The following KCNK9 variants were observed in gnomAD, a reference collection of about 807,000 sequenced individuals.
KCNK9 encodes the protein potassium channel subfamily K member 9.
A neutral mutation model predicts 10.8 loss-of-function variants in KCNK9; 1 was observed. The ratio of observed to expected loss-of-function variants is 0.09; its 90% confidence interval spans 0.03 to 0.44. KCNK9 has a LOEUF of 0.44. Among genes scored for constraint, KCNK9 ranks in the 20% least tolerant of loss-of-function variants. KCNK9 has a pLI of 0.97. For synonymous variants in KCNK9, 231 were observed against 222.7 expected (o/e 1.04, Z -0.33); for missense variants, 303 against 515.0 (o/e 0.59, Z 3.98).
chr8:139,658,751 AC>A (rs1194288270), intron 1 of KCNK9, among the ~76,000 whole-genome samples: 4 of 152,216 alleles, frequency 2.6e-5, no homozygotes, highest in African/African-American at 4.8e-5. Context: ...GGACTTCCCC[AC>A]GGTCACACTG....
chr8:139,703,010 C>T lies in KCNK9; in HGVS notation c.-18G>A. 1 of 1,549,718 alleles carries T rather than the reference C, an allele frequency of 6.5e-7. No individual in the cohort carries two copies. The highest frequency in any genetic ancestry group is 2.0e-4 in the Middle Eastern group (1 of 5,070). ...CTCTTCATGGCCGCCAGCAAGGAGC[C>T]GGCGCGGGGGGCATGTCCCGCAGGC... is the stretch of plus-strand genomic sequence containing the variant. On this transcript the variant is annotated 5_prime_UTR_variant, in exon 1 of 2. Coordinates refer to ENST00000520439, the MANE Select transcript of KCNK9 (RefSeq NM_001282534.2). This position sits in a 1 kb window ranked among gnomAD's most constrained non-coding sequence, Gnocchi z 6.4.
chr8:139,656,655 G>A (rs1160284058), intron 1 of KCNK9, among the ~76,000 whole-genome samples: 1 of 152,208 alleles, frequency 6.6e-6, no homozygotes, highest in Non-Finnish European at 1.5e-5. Context: ...TTTTGGAGGA[G>A]CTCAACCCCA....
chr8:139,674,598 C>A (rs7828107), intron 1 of KCNK9, among the ~76,000 whole-genome samples: 60,545 of 152,068 alleles, frequency 0.4, 13,330 homozygotes, highest in Non-Finnish European at 0.5. Flanking sequence ...GCCGGGACTC[C>A]AACCCAAGAC....
At chr8:139,645,049 G>A (rs1984568) in intron 1 of KCNK9, among the ~76,000 whole-genome samples, 56,295 of 152,122 alleles carry the variant, frequency 0.37, 13,032 homozygotes, top group South Asian at 0.56. Context: ...CACGCACGGG[G>A]TGGCTTCCCT....
chr8:139,664,161 G>A (rs1448234168), intron 1 of KCNK9, among the ~76,000 whole-genome samples: 2 of 152,254 alleles, frequency 1.3e-5, no homozygotes, highest in Non-Finnish European at 2.9e-5. Flanking sequence ...AACCAGGGCT[G>A]TGATGTCTGA....
chr8:139,658,398 T>C (rs1260361749), intron 1 of KCNK9, among the ~76,000 whole-genome samples: 4 of 152,126 alleles, frequency 2.6e-5, no homozygotes, highest in Non-Finnish European at 5.9e-5. Flanking sequence ...CCCCAGCTCT[T>C]TCCTCCAGAA....
At chr8:139,627,711 A>G (rs1406769104) in intron 1 of KCNK9, among the ~76,000 whole-genome samples, 1 of 152,268 alleles carries the variant, frequency 6.6e-6, no homozygotes, top group South Asian at 2.1e-4. Context: ...TATACATCCT[A>G]ATACCCTAGC....
At chr8:139,621,704 C>A (rs1011394151) in intron 1 of KCNK9, among the ~76,000 whole-genome samples, 1 of 152,094 alleles carries the variant, frequency 6.6e-6, no homozygotes, top group African/African-American at 2.4e-5. Flanking sequence ...AGAAGGACAC[C>A]ATATGGAAAC....
chr8:139,694,510 C>G (rs1033527707), intron 1 of KCNK9, among the ~76,000 whole-genome samples: 5 of 152,212 alleles, frequency 3.3e-5, no homozygotes, highest in Non-Finnish European at 7.4e-5. Flanking sequence ...GGTCTGCCTG[C>G]TTCCCAGCTG....
In KCNK9 at chr8:139,620,501, A is replaced by C. The variant is rs1334314895; in HGVS notation, c.284-1402T>G. ...ACACAGTAGGGACCTACCAGACCCC[A>C]GGATCCTCTGCCGCTCCTTCCTGCA... On this transcript the variant is annotated intron_variant, in intron 1 of 1. Coordinates refer to ENST00000520439, the MANE Select transcript of KCNK9 (RefSeq NM_001282534.2). Among the ~76,000 whole-genome samples, 3 of 152,034 alleles carry C rather than the reference A, an allele frequency of 2.0e-5. No homozygotes were observed. The East Asian group carries it at 5.8e-4, about 29-fold the overall frequency.
intron 1 of KCNK9, among the ~76,000 whole-genome samples, chr8:139,642,853 G>C (rs973628484): frequency 6.6e-6 from 1 of 152,188 alleles, no homozygotes; most frequent in African/African-American, 2.4e-5. Flanking sequence ...CTGAGCAGCA[G>C]GGGGTGTTTT....
Position 139,603,139 on chromosome 8 carries a change from T to C in KCNK9, c.*1-1538A>G, listed in dbSNP as rs183205295. On this transcript the variant is annotated intron_variant, in intron 2 of 2. Coordinates refer to the KCNK9 transcript ENST00000650269. ...GAACAAACCAAGATATGCAGAAAAG[T>C]ATTTTAAGTGACCATTATTTCCATT... 1.0e-3 allele frequency among the ~76,000 whole-genome samples: 152 copies of C among 152,312 alleles called. 1 individual carries two copies. The highest frequency in any genetic ancestry group is 3.5e-3 in the African/African-American group (145 of 41,572).
intron 1 of KCNK9, among the ~76,000 whole-genome samples, chr8:139,698,223 G>C (rs1817113233): frequency 6.6e-6 from 1 of 152,190 alleles, no homozygotes; most frequent in African/African-American, 2.4e-5. Flanking sequence ...CATCTGTAAA[G>C]TGGGGGAGGT....
intron 1 of KCNK9, among the ~76,000 whole-genome samples, chr8:139,631,071 G>C (rs1292855703): frequency 6.6e-6 from 1 of 152,246 alleles, no homozygotes; most frequent in Non-Finnish European, 1.5e-5. Flanking sequence ...TCGGGCGACT[G>C]CAGGGACACG....
chr8:139,648,456 GCAA>G (rs1815756692), intron 1 of KCNK9, among the ~76,000 whole-genome samples: 1 of 152,224 alleles, frequency 6.6e-6, no homozygotes, highest in Non-Finnish European at 1.5e-5. Context: ...GGAGACTATT[GCAA>G]CAACCCATGC....
chr8:139,619,198 G>A (rs537903331), intron 1 of KCNK9, 99 bp from the exon 2 acceptor site: 1 of 1,314,916 alleles, frequency 7.6e-7, no homozygotes, highest in African/African-American at 1.4e-5. Context: ...GTGCAATGCA[G>A]AGGGACCTGG....
At chr8:139,616,888 A>ATATTC (rs757534764), downstream of KCNK9, 15 of 136,658 alleles carry the variant, frequency 1.1e-4, no homozygotes, top group Non-Finnish European at 2.3e-4. Context: ...CCACTGTGCC[A>ATATTC]TATTCTACAG....
intron 1 of KCNK9, among the ~76,000 whole-genome samples, chr8:139,634,902 C>T (rs1351851120): frequency 6.6e-6 from 1 of 152,114 alleles, no homozygotes; most frequent in Non-Finnish European, 1.5e-5. Context: ...TCTGGGACTT[C>T]ATCTGAAGGG....
rs891221125 is a variant in KCNK9, at chr8:139,665,322, A to G, written c.283+37388T>C. On this transcript the variant is annotated intron_variant, in intron 1 of 1. Coordinates refer to ENST00000520439, the MANE Select transcript of KCNK9 (RefSeq NM_001282534.2). ...TTCAAAGCAGGGCTGTAGTCCTCAC[A>G]TCACACCCCTCCGACCTCTGCTTCA... Among the ~76,000 whole-genome samples the G allele has an allele frequency of 2.5e-4, 38 of 152,068 alleles. 1 individual carries two copies. Among genetic ancestry groups the G allele is most frequent in the African/African-American group, 8.9e-4 (37 of 41,400 alleles).
Sources: gnomAD v4.1 joint callset for allele counts (sites outside exome capture counted in the v4.1 genomes callset) on GRCh38, gnomAD v4.1.1 for gene constraint, Gnocchi (gnomAD v3.1) non-coding constraint, MANE v1.5 for transcripts, NCBI Gene and HGNC (gene_info 2026-07-23, HGNC 2026-07-21) for gene names.